The following NRXN1 variants were observed in gnomAD, a reference collection of about 807,000 sequenced individuals.
The protein encoded by NRXN1 is neurexin-1.
NRXN1 carries 39 observed loss-of-function variants against 150.9 expected under a neutral mutation model. The ratio of observed to expected loss-of-function variants is 0.26; its 90% confidence interval spans 0.20 to 0.34. The LOEUF is 0.34. NRXN1 is among the 10% of genes least tolerant of loss of function. NRXN1 has a pLI of 1.00. For synonymous variants in NRXN1, 924 were observed against 757.0 expected (o/e 1.22, Z -3.62); for missense variants, 1,815 against 1,949.9 (o/e 0.93, Z 1.30).
intron 18 of NRXN1, among the ~76,000 whole-genome samples, chr2:50,163,577 T>C (rs1332645555): frequency 6.6e-6 from 1 of 152,138 alleles, no homozygotes; most frequent in East Asian, 1.9e-4. Flanking sequence ...TAAGAAAATG[T>C]CTTATATGGT....
In NRXN1 at chr2:50,241,734, T is replaced by C. The variant is rs553054465; in HGVS notation, c.3365-4764A>G. On this transcript the variant is annotated intron_variant, in intron 17 of 22. Coordinates refer to ENST00000401669, the MANE Select transcript of NRXN1 (RefSeq NM_001330078.2). ...TGCCTGTGATGTTATAATCAGGGAA[T>C]ATTTTTAGATCTTATTGAACATGCT... is the stretch of plus-strand genomic sequence containing the variant. Among the ~76,000 whole-genome samples the C allele has an allele frequency of 3.2e-4, 48 of 151,996 alleles. No individual in the cohort carries two copies. In the South Asian group the frequency reaches 9.7e-3, roughly 31 times the overall value.
At position 50,393,692 on chromosome 2, in the gene NRXN1, AATAG is replaced by A. The variant is rs373766996; in HGVS notation, c.3364+71746_3364+71749del. On this transcript the variant is annotated intron_variant, in intron 17 of 22. Coordinates refer to ENST00000401669, the MANE Select transcript of NRXN1 (RefSeq NM_001330078.2). ...TACATCGAAGTGTTCCTTTAGCAGG[AATAG>A]ATAGATTTGAAAAATAGGCTTAATC... is the stretch of plus-strand genomic sequence containing the variant. Among the ~76,000 whole-genome samples the A allele has an allele frequency of 7.0e-4, 107 of 152,232 alleles. No individual in the cohort carries two copies. In the South Asian group the frequency reaches 8.5e-3, roughly 12 times the overall value.
At chr2:50,208,612 G>A (rs2062785305) in intron 18 of NRXN1, among the ~76,000 whole-genome samples, 1 of 152,038 alleles carries the variant, frequency 6.6e-6, no homozygotes, top group South Asian at 2.1e-4. Context: ...TCCTGTCCAT[G>A]AGCCTGCAGG....
At chr2:50,729,707 C>T (rs1697847883) in intron 5 of NRXN1, among the ~76,000 whole-genome samples, 2 of 152,150 alleles carry the variant, frequency 1.3e-5, no homozygotes, top group Non-Finnish European at 1.5e-5. Flanking sequence ...CAGCCTCCCT[C>T]GGGGACTGGG....
chr2:49,940,772 A>G (rs901845431), intron 22 of NRXN1, among the ~76,000 whole-genome samples: 3 of 152,250 alleles, frequency 2.0e-5, no homozygotes, highest in Non-Finnish European at 4.4e-5. Flanking sequence ...GCTAATGTAG[A>G]AAGAGATTTA....
At chr2:50,982,800 CCATA>C (rs1397049682) in intron 2 of NRXN1, among the ~76,000 whole-genome samples, 2 of 151,982 alleles carry the variant, frequency 1.3e-5, no homozygotes, top group Non-Finnish European at 2.9e-5. Context: ...CTAATTTTAA[CCATA>C]CACTTAATAA....
chr2:50,942,760 A>G (rs985347187), intron 2 of NRXN1, among the ~76,000 whole-genome samples: 2 of 152,156 alleles, frequency 1.3e-5, no homozygotes, highest in African/African-American at 4.8e-5. Context: ...TCACAGGAGG[A>G]AGAACCTTGC....
At chr2:50,935,120 G>A (rs1309660231) in intron 2 of NRXN1, among the ~76,000 whole-genome samples, 1 of 152,074 alleles carries the variant, frequency 6.6e-6, no homozygotes, top group African/African-American at 2.4e-5. Flanking sequence ...TAACAGAGTA[G>A]TTTTAAAATT....
chr2:49,986,514 T>C (rs1206228604), intron 21 of NRXN1, among the ~76,000 whole-genome samples: 3 of 152,224 alleles, frequency 2.0e-5, no homozygotes, highest in African/African-American at 2.4e-5. Flanking sequence ...CTGCAATCTA[T>C]TGCAATATTT....
At position 50,531,300 on chromosome 2, in the gene NRXN1, G is replaced by T. The variant is rs78030925; in HGVS notation, c.2274C>A (p.Thr758=). Residue 758 remains threonine, a synonymous_variant, in exon 11 of 23, where the codon ACC becomes ACA. Transcript: ENST00000401669. ...SQRAYGILMA[T]TSRDSADTLR... ...GGGTGTCAGCAGAGTCTCTAGAAGTGGTTGCCATCAGAATGCCATATGCAC... is the reference window on the plus strand; with the variant it reads ...GGGTGTCAGCAGAGTCTCTAGAAGTTGTTGCCATCAGAATGCCATATGCAC... 60 of 1,613,492 alleles carry T rather than the reference G, an allele frequency of 3.7e-5. No homozygotes were observed. Among genetic ancestry groups the T allele is most frequent in the Admixed American group, 8.3e-5 (5 of 59,944 alleles).
At chr2:50,307,528 G>A (rs1349693139) in intron 17 of NRXN1, among the ~76,000 whole-genome samples, 1 of 152,066 alleles carries the variant, frequency 6.6e-6, no homozygotes, top group Non-Finnish European at 1.5e-5. Flanking sequence ...CAAATGAAAT[G>A]GTAATGGATT....
intron 21 of NRXN1, among the ~76,000 whole-genome samples, chr2:50,009,293 A>G (rs1463669601): frequency 6.6e-6 from 1 of 152,162 alleles, no homozygotes; most frequent in East Asian, 1.9e-4. Context: ...CACTAAATGC[A>G]CTAAGCATAG....
At chr2:50,329,984 A>G (rs2076731116) in intron 17 of NRXN1, among the ~76,000 whole-genome samples, 1 of 151,890 alleles carries the variant, frequency 6.6e-6, no homozygotes, top group Admixed American at 6.6e-5. Flanking sequence ...TGTTTATAAA[A>G]TTTTTAATGG....
intron 21 of NRXN1, among the ~76,000 whole-genome samples, chr2:50,012,249 A>G (rs1469004): frequency 0.37 from 55,515 of 151,974 alleles, 10,588 homozygotes; most frequent in East Asian, 0.49. Flanking sequence ...CAAAGAAGAA[A>G]TAAGCATAAA....
intron 17 of NRXN1, among the ~76,000 whole-genome samples, chr2:50,311,266 C>G (rs1201337918): frequency 6.6e-6 from 1 of 152,060 alleles, no homozygotes; most frequent in Non-Finnish European, 1.5e-5. Flanking sequence ...TTCAATTTAA[C>G]AAAATATCAC....
intron 5 of NRXN1, among the ~76,000 whole-genome samples, chr2:50,920,897 T>G (rs1685935181): frequency 2.0e-5 from 3 of 151,736 alleles, no homozygotes; most frequent in Admixed American, 1.3e-4. Flanking sequence ...TCTTACATAT[T>G]GCCTGGCTCA....
chr2:50,084,637 T>TC (rs1485302778), intron 19 of NRXN1, among the ~76,000 whole-genome samples: 1 of 152,110 alleles, frequency 6.6e-6, no homozygotes, highest in Non-Finnish European at 1.5e-5. Flanking sequence ...GCCTTGGCCA[T>TC]CCCAGGAAGG....
intron 18 of NRXN1, among the ~76,000 whole-genome samples, chr2:50,231,280 G>C (rs956584366): frequency 1.3e-5 from 2 of 152,032 alleles, no homozygotes; most frequent in African/African-American, 4.8e-5. Context: ...ATATAGGTGT[G>C]CATCTATGTA....
At chr2:50,032,214 C>T (rs1376049620) in intron 21 of NRXN1, among the ~76,000 whole-genome samples, 1 of 151,914 alleles carries the variant, frequency 6.6e-6, no homozygotes, top group Admixed American at 6.6e-5. Context: ...GGAAAAGCAC[C>T]TTTATTCACT....
Sources: allele counts gnomAD v4.1 joint callset (sites outside exome capture counted in the v4.1 genomes callset), GRCh38; gene constraint gnomAD v4.1.1; transcripts MANE v1.5; gene names NCBI Gene and HGNC (gene_info 2026-07-23, HGNC 2026-07-21).